Variants in RIMS1 observed in about 807,000 individuals in gnomAD.
RIMS1 encodes the protein regulating synaptic membrane exocytosis 1.
In RIMS1, 83 loss-of-function variants were observed where a neutral mutation model predicts 214.1. That is an observed-to-expected ratio of 0.39 (90% CI 0.32 to 0.47). The LOEUF is 0.47. RIMS1 is among the 20% of genes least tolerant of loss of function. RIMS1 has a pLI of 0.99. For synonymous variants in RIMS1, 793 were observed against 786.8 expected (o/e 1.01, Z -0.13); for missense variants, 2,050 against 2,161.8 (o/e 0.95, Z 1.03).
In RIMS1 at chr6:72,369,639, C is replaced by T. The variant is rs540802861; in HGVS notation, c.4367-20959C>T. On this transcript the variant is annotated intron_variant, in intron 29 of 33. Transcript: ENST00000521978. ...GCACACTCAAATTATCTGAAATAAT[C>T]TCCCTTACTTAAAGTCAAGTGATTG... is the stretch of plus-strand genomic sequence containing the variant. Among the ~76,000 whole-genome samples the T allele has an allele frequency of 3.9e-5, 6 of 152,334 alleles. No homozygotes were observed. In the South Asian group the frequency reaches 1.2e-3, roughly 32 times the overall value.
rs1324113539 is a variant in RIMS1, at chr6:71,886,565, G to A, written c.-459G>A. The A allele has an allele frequency of 6.5e-6, 1 of 152,930 alleles. No individual in the cohort carries two copies. The highest frequency in any genetic ancestry group is 1.5e-5 in the Non-Finnish European group (1 of 67,998). 9.5% of individuals were successfully genotyped at this position (152,930 alleles called of 1,614,324 possible). A position where few individuals can be genotyped will look rare whatever the true frequency, so the allele number is the denominator to read the frequency against. On this transcript the variant is annotated 5_prime_UTR_variant, in exon 1 of 34. Transcript: ENST00000521978. The stretch of plus-strand genomic sequence containing the variant: ...CCGCAGCCCCAAATTGGAGGCAGCA[G>A]AGCCTGGGAGCAGCCTCCACGGCGG...
Position 72,274,348 on chromosome 6 carries a change from G to A in RIMS1, c.3399-1G>A, listed in dbSNP as rs763439921. On this transcript the variant is annotated splice_acceptor_variant, in intron 22 of 33. Coordinates refer to ENST00000521978, the MANE Select transcript of RIMS1 (RefSeq NM_014989.7). LOFTEE classifies it high-confidence loss of function. ...TCCTGTCTTGTTCACTGGGCAAACA[G>A]GGGTAGATGGTCCCCCTCCCTAGAT... 2.5e-6 allele frequency: 4 copies of A among 1,608,878 alleles called. No homozygotes were observed. The highest frequency in any genetic ancestry group is 3.4e-6 in the Non-Finnish European group (4 of 1,175,984).
intron 4 of RIMS1, among the ~76,000 whole-genome samples, chr6:72,123,288 G>A (rs141706632): frequency 0.21 from 31,478 of 151,782 alleles, 4,120 homozygotes; most frequent in Non-Finnish European, 0.25. Context: ...TGTTTTGAGT[G>A]AGTTTCTTAA....
rs574113923 is a variant in RIMS1 at position 72,277,637 on chromosome 6, G to GA, written c.3482+3211dup. On this transcript the variant is annotated intron_variant, in intron 23 of 33. Coordinates refer to ENST00000521978, the MANE Select transcript of RIMS1 (RefSeq NM_014989.7). Reference sequence around the variant, plus strand: ...TGAGGAAATTTAAAACATTGATGAAGAAAAAATACATAAATTTGGAATCCC... The same window carrying GA: ...TGAGGAAATTTAAAACATTGATGAAGAAAAAAATACATAAATTTGGAATCCC... Among the ~76,000 whole-genome samples the GA allele has an allele frequency of 8.6e-5, 13 of 151,542 alleles. No individual in the cohort carries two copies. In the South Asian group the frequency reaches 2.7e-3, roughly 32 times the overall value.
chr6:72,141,094 A>G (rs569904067), intron 4 of RIMS1, among the ~76,000 whole-genome samples: 1 of 152,170 alleles, frequency 6.6e-6, no homozygotes, highest in African/African-American at 2.4e-5. Context: ...ATATTTTGAT[A>G]GACATTTCTG....
At chr6:71,890,991 TCTTC>T (rs1769669089) in intron 1 of RIMS1, among the ~76,000 whole-genome samples, 1 of 152,228 alleles carries the variant, frequency 6.6e-6, no homozygotes, top group African/African-American at 2.4e-5. Context: ...CACTACACTG[TCTTC>T]CTACCAAGAA....
chr6:72,312,729 C>A lies in RIMS1; in HGVS notation c.3964-777C>A, dbSNP rs1039990953. Among the ~76,000 whole-genome samples, 4 of 152,018 alleles carry A rather than the reference C, an allele frequency of 2.6e-5. No individual in the cohort carries two copies. In the East Asian group the frequency reaches 7.7e-4, roughly 29 times the overall value. On this transcript the variant is annotated intron_variant, in intron 27 of 33. Transcript: ENST00000521978. ...GTAGAAAGCTAAAGACCAGTCACTG[C>A]CTCTTTGCTCAGTTTATATCAGCCC...
intron 2 of RIMS1, among the ~76,000 whole-genome samples, chr6:72,091,761 T>C (rs1836291590): frequency 6.6e-6 from 1 of 152,226 alleles, no homozygotes; most frequent in African/African-American, 2.4e-5. Flanking sequence ...TTTCTTTTGA[T>C]AGCATTGTGT....
chr6:72,307,206 C>A (rs1592800166), intron 26 of RIMS1, 52 bp from the exon 27 acceptor site: 2 of 1,143,922 alleles, frequency 1.7e-6, no homozygotes, highest in East Asian at 2.5e-5. Context: ...CCATTCAGTT[C>A]CTGAAAGGTT....
chr6:72,177,736 C>A (rs183060934), intron 4 of RIMS1, among the ~76,000 whole-genome samples: 4 of 152,064 alleles, frequency 2.6e-5, no homozygotes. Flanking sequence ...ACCAACCAAC[C>A]AAAACCTTCC....
chr6:71,894,577 G>T (rs1441268549), intron 1 of RIMS1, among the ~76,000 whole-genome samples: 1 of 152,186 alleles, frequency 6.6e-6, no homozygotes, highest in East Asian at 1.9e-4. Flanking sequence ...CTTCATACAG[G>T]ACTGTCTTTA....
At chr6:71,922,280 A>G (rs561713279) in intron 1 of RIMS1, among the ~76,000 whole-genome samples, 1 of 152,326 alleles carries the variant, frequency 6.6e-6, no homozygotes, top group East Asian at 1.9e-4. Flanking sequence ...TTGGTCCTCA[A>G]GAAAAACCCA....
At chr6:72,189,465 T>C (rs1042699540) in intron 6 of RIMS1, among the ~76,000 whole-genome samples, 2 of 152,170 alleles carry the variant, frequency 1.3e-5, no homozygotes, top group Non-Finnish European at 2.9e-5. Flanking sequence ...CCATGGATGG[T>C]AGTCTTGGCA....
chr6:71,961,706 A>C (rs2151258634), intron 1 of RIMS1, among the ~76,000 whole-genome samples: 1 of 151,440 alleles, frequency 6.6e-6, no homozygotes, highest in South Asian at 2.1e-4. Flanking sequence ...TCTTCTAGAA[A>C]TTCCTTACTT....
intron 1 of RIMS1, among the ~76,000 whole-genome samples, chr6:71,954,864 A>C (rs1561961464): frequency 1.5e-5 from 2 of 137,086 alleles, no homozygotes; most frequent in African/African-American, 5.9e-5. Flanking sequence ...ACACACACAC[A>C]CACACTCCAC....
chr6:72,219,671 G>T (rs75447460), intron 6 of RIMS1, among the ~76,000 whole-genome samples: 1 of 150,302 alleles, frequency 6.7e-6, no homozygotes, highest in Non-Finnish European at 1.5e-5. Context: ...AGCTTTGAGG[G>T]TTTTTTTTTG....
At chr6:72,107,761 C>T (rs1322142554) in intron 4 of RIMS1, among the ~76,000 whole-genome samples, 1 of 151,982 alleles carries the variant, frequency 6.6e-6, no homozygotes, top group Non-Finnish European at 1.5e-5. Flanking sequence ...TGGGAAAATG[C>T]TAATTAAATG....
chr6:71,976,040 A>G (rs1210405341), intron 2 of RIMS1, among the ~76,000 whole-genome samples: 3 of 152,004 alleles, frequency 2.0e-5, no homozygotes, highest in African/African-American at 4.8e-5. Context: ...GTTTTTGGGG[A>G]TATGGATGTT....
chr6:71,978,725 G>A (rs568463048), intron 2 of RIMS1, among the ~76,000 whole-genome samples: 5 of 152,018 alleles, frequency 3.3e-5, no homozygotes, highest in Middle Eastern at 3.4e-3. Flanking sequence ...TTCTTGCTTC[G>A]TTAAAAGTTG....
Sources: gnomAD v4.1 joint callset for allele counts (sites outside exome capture counted in the v4.1 genomes callset) on GRCh38, gnomAD v4.1.1 for gene constraint, MANE v1.5 for transcripts, NCBI Gene and HGNC (gene_info 2026-07-23, HGNC 2026-07-21) for gene names.